The following EYA2 variants were observed in gnomAD, a reference collection of about 807,000 sequenced individuals.
EYA2 encodes EYA transcriptional coactivator and phosphatase 2, also known as protein phosphatase EYA2.
In EYA2, 31 loss-of-function variants were observed where a neutral mutation model predicts 69.2. The observed-to-expected ratio is 0.45, with a 90% CI of 0.34 to 0.60. The LOEUF is 0.60. Ranked by LOEUF, EYA2 falls within the 20% of genes least tolerant of loss-of-function variation. The pLI is 0.02. For missense variants in EYA2, 622 were observed against 701.2 expected, an observed-to-expected ratio of 0.89 and a Z score of 1.28; for synonymous variants, 257 against 279.4, an observed-to-expected ratio of 0.92 and a Z score of 0.80.
At chr20:46,996,114 A>G (rs561041433) in intron 2 of EYA2, among the ~76,000 whole-genome samples, 1 of 152,298 alleles carries the variant, frequency 6.6e-6, no homozygotes, top group South Asian at 2.1e-4. Context: ...CATGATAAAC[A>G]CTTGTTGACT....
chr20:47,044,967 G>T (rs1197190995), intron 5 of EYA2, among the ~76,000 whole-genome samples: 1 of 152,184 alleles, frequency 6.6e-6, no homozygotes, highest in Non-Finnish European at 1.5e-5. Context: ...TGTGGTAATT[G>T]CTATGAAGGA....
intron 5 of EYA2, among the ~76,000 whole-genome samples, chr20:47,037,926 T>G (rs938993055): frequency 5.3e-5 from 8 of 152,174 alleles, no homozygotes; most frequent in African/African-American, 1.7e-4. Context: ...GGTAGGGGCA[T>G]TTGTTCTCTC....
intron 5 of EYA2, among the ~76,000 whole-genome samples, chr20:47,019,219 C>G (rs1301250065): frequency 6.6e-6 from 1 of 152,182 alleles, no homozygotes; most frequent in African/African-American, 2.4e-5. Context: ...GCCAACGTCT[C>G]CAGCTCTCTT....
chr20:47,011,697 C>A (rs6094552), intron 4 of EYA2, among the ~76,000 whole-genome samples: 84,014 of 151,802 alleles, frequency 0.55, 23,556 homozygotes, highest in Non-Finnish European at 0.61. Context: ...CTCTTCCTCC[C>A]TGGGACCTCT....
At chr20:46,950,118 C>T (rs762990951) in intron 1 of EYA2, among the ~76,000 whole-genome samples, 1 of 152,194 alleles carries the variant, frequency 6.6e-6, no homozygotes, top group Non-Finnish European at 1.5e-5. Flanking sequence ...AGCCATCAAT[C>T]CAGGCTCGTT....
At chr20:47,144,162 C>T (rs2033655560) in intron 10 of EYA2, among the ~76,000 whole-genome samples, 1 of 152,166 alleles carries the variant, frequency 6.6e-6, no homozygotes, top group African/African-American at 2.4e-5. Context: ...TCGAGACCAT[C>T]CTGGCTAACA....
chr20:47,188,159 C>T lies in EYA2; in HGVS notation c.*26C>T, dbSNP rs1448068525. 1 of 1,551,826 alleles carries T rather than the reference C, an allele frequency of 6.4e-7. No homozygotes were observed. Among genetic ancestry groups the T allele is most frequent in the Non-Finnish European group, 8.7e-7 (1 of 1,147,580 alleles). ...CAGGATCAGCAGCATCTCCACCTGC[C>T]ATCTCACCCTCAGACCCCCTCGCCT... is the stretch of plus-strand genomic sequence containing the variant. On this transcript the variant is annotated 3_prime_UTR_variant, in exon 16 of 16. Coordinates refer to ENST00000327619, the MANE Select transcript of EYA2 (RefSeq NM_005244.5).
At chr20:47,164,191 G>A (rs78830323) in intron 10 of EYA2, among the ~76,000 whole-genome samples, 2,822 of 152,214 alleles carry the variant, frequency 0.019, 97 homozygotes, top group African/African-American at 0.064. Context: ...GCCTCTGCGC[G>A]GTCCAGCTCC....
At chr20:46,954,015 C>T (rs1259153807) in intron 1 of EYA2, among the ~76,000 whole-genome samples, 1 of 152,148 alleles carries the variant, frequency 6.6e-6, no homozygotes, top group East Asian at 1.9e-4. Flanking sequence ...CATCATGTTC[C>T]AACCACACGA....
At chr20:47,163,097 T>C (rs1216743703) in intron 10 of EYA2, among the ~76,000 whole-genome samples, 1 of 151,832 alleles carries the variant, frequency 6.6e-6, no homozygotes, top group Non-Finnish European at 1.5e-5. Flanking sequence ...TGGCGCCATC[T>C]CAGCTCACTG....
At chr20:46,978,722 G>T (rs1361635082) in intron 1 of EYA2, 3 of 533,246 alleles carry the variant, frequency 5.6e-6, no homozygotes, top group African/African-American at 3.9e-5. Context: ...CAGGGAGGTG[G>T]GCAGGGGGGC....
At chr20:46,905,994 T>A (rs1332183057) in intron 1 of EYA2, among the ~76,000 whole-genome samples, 1 of 152,202 alleles carries the variant, frequency 6.6e-6, no homozygotes, top group Non-Finnish European at 1.5e-5. Flanking sequence ...TCTGTTAGTC[T>A]CTGAAGGGCA....
chr20:47,009,802 A>G (rs6063057), intron 4 of EYA2, among the ~76,000 whole-genome samples: 103,533 of 152,178 alleles, frequency 0.68, 35,306 homozygotes, highest in East Asian at 0.81. Flanking sequence ...AAAATGAACA[A>G]CAGATGACAT....
intron 5 of EYA2, among the ~76,000 whole-genome samples, chr20:47,016,763 A>T (rs1983437883): frequency 6.6e-6 from 1 of 152,222 alleles, no homozygotes; most frequent in Non-Finnish European, 1.5e-5. Flanking sequence ...AAATGTCTGG[A>T]TGTATTGGAG....
intron 10 of EYA2, among the ~76,000 whole-genome samples, chr20:47,149,886 C>T (rs2033789345): frequency 6.6e-6 from 1 of 152,086 alleles, no homozygotes; most frequent in Non-Finnish European, 1.5e-5. Flanking sequence ...TACACACATA[C>T]ACACACGCAA....
intron 5 of EYA2, among the ~76,000 whole-genome samples, chr20:47,032,251 G>A (rs1984459245): frequency 6.6e-6 from 1 of 152,194 alleles, no homozygotes; most frequent in Non-Finnish European, 1.5e-5. Flanking sequence ...TTTGAGTTAT[G>A]TGCTTCTTTC....
At chr20:46,938,836 G>A (rs112896675) in intron 1 of EYA2, among the ~76,000 whole-genome samples, 6 of 152,198 alleles carry the variant, frequency 3.9e-5, no homozygotes, top group African/African-American at 1.4e-4. Flanking sequence ...AGAGACCACT[G>A]GAGTATCTTG....
At chr20:46,990,220 C>G (rs1310684469) in intron 2 of EYA2, 101 bp downstream of exon 2, 2 of 613,032 alleles carry the variant, frequency 3.3e-6, no homozygotes, top group East Asian at 5.4e-5. Flanking sequence ...AAAGTACTGT[C>G]CTTAGGACAA....
intron 9 of EYA2, among the ~76,000 whole-genome samples, chr20:47,120,857 A>G (rs2033026336): frequency 1.3e-5 from 2 of 152,178 alleles, no homozygotes; most frequent in Non-Finnish European, 2.9e-5. Flanking sequence ...TTAGTTCTTG[A>G]GTTTGAATTT....
Sources: gnomAD v4.1 joint callset for allele counts (sites outside exome capture counted in the v4.1 genomes callset) on GRCh38, gnomAD v4.1.1 for gene constraint, MANE v1.5 for transcripts, NCBI Gene and HGNC (gene_info 2026-07-23, HGNC 2026-07-21) for gene names.